The following CLIP1 variants were observed in gnomAD, a reference collection of about 807,000 sequenced individuals.
CLIP1 encodes the protein CAP-Gly domain-containing linker protein 1.
Under a neutral mutation model 161.6 loss-of-function variants are expected in CLIP1, and 66 were observed. The observed-to-expected ratio is 0.41, with a 90% CI of 0.33 to 0.50. The LOEUF (loss-of-function observed/expected upper bound fraction) is 0.50, where lower values mean the gene tolerates loss of function less well. Among genes scored for constraint, CLIP1 ranks in the 20% least tolerant of loss-of-function variants. The pLI is 0.27. For missense variants in CLIP1, 1,376 were observed against 1,702.0 expected (o/e 0.81, Z 3.37); for synonymous variants, 598 against 626.2 (o/e 0.96, Z 0.67).
intron 9 of CLIP1, among the ~76,000 whole-genome samples, chr12:122,350,008 G>C (rs1465013357): frequency 6.6e-6 from 1 of 151,568 alleles, no homozygotes; most frequent in Admixed American, 6.6e-5. Flanking sequence ...GGGTTCAAGC[G>C]ATTCTCCTGC....
intron 5 of CLIP1, among the ~76,000 whole-genome samples, chr12:122,360,410 CAAAAAA>C (rs34294939): frequency 1.1e-5 from 1 of 87,362 alleles, no homozygotes; most frequent in African/African-American, 4.5e-5. Flanking sequence ...CCTCTCTCTA[CAAAAAA>C]AAAAAAAAAA....
chr12:122,410,544 C>T (rs1449943295), intron 1 of CLIP1, among the ~76,000 whole-genome samples: 4 of 151,096 alleles, frequency 2.6e-5, no homozygotes, highest in Non-Finnish European at 5.9e-5. Context: ...CTGCAACCTC[C>T]ACCTCCTGGG....
At chr12:122,293,666 C>G (rs1261667137) in intron 20 of CLIP1, among the ~76,000 whole-genome samples, 2 of 151,632 alleles carry the variant, frequency 1.3e-5, no homozygotes, top group Non-Finnish European at 2.9e-5. Flanking sequence ...TTAGTAGAGA[C>G]AGGTTTTCTC....
intron 9 of CLIP1, among the ~76,000 whole-genome samples, chr12:122,350,062 A>G (rs1464949250): frequency 6.6e-6 from 1 of 151,428 alleles, no homozygotes; most frequent in Non-Finnish European, 1.5e-5. Flanking sequence ...GTGCCACCAT[A>G]TTCGGCTAAT....
At chr12:122,419,277 G>A (rs1956854114) in intron 1 of CLIP1, among the ~76,000 whole-genome samples, 1 of 151,670 alleles carries the variant, frequency 6.6e-6, no homozygotes, top group Non-Finnish European at 1.5e-5. Context: ...GGCTGAGGTG[G>A]GAGAATCACT....
At chr12:122,356,410 G>C (rs968926655) in intron 5 of CLIP1, among the ~76,000 whole-genome samples, 1 of 152,168 alleles carries the variant, frequency 6.6e-6, no homozygotes, top group Non-Finnish European at 1.5e-5. Flanking sequence ...ATAACATCAT[G>C]TACTTTCAAA....
chr12:122,286,181 C>T (rs539078011), intron 21 of CLIP1, among the ~76,000 whole-genome samples: 8 of 152,198 alleles, frequency 5.3e-5, no homozygotes, highest in South Asian at 2.1e-4. Flanking sequence ...TGCTTGGCAC[C>T]GTGTAAAGCA....
chr12:122,358,151 G>A (rs1253846558), intron 5 of CLIP1, among the ~76,000 whole-genome samples: 1 of 151,848 alleles, frequency 6.6e-6, no homozygotes, highest in Non-Finnish European at 1.5e-5. Flanking sequence ...CCAACCCTGT[G>A]CTCTCTGAAA....
intron 12 of CLIP1, among the ~76,000 whole-genome samples, chr12:122,335,541 T>C (rs907237315): frequency 2.3e-4 from 35 of 152,106 alleles, no homozygotes; most frequent in African/African-American, 8.4e-4. Flanking sequence ...GCGCAGTAGC[T>C]CACGCCTATA....
At chr12:122,335,762 G>A (rs1411835648) in intron 12 of CLIP1, among the ~76,000 whole-genome samples, 8 of 151,570 alleles carry the variant, frequency 5.3e-5, no homozygotes, top group South Asian at 2.1e-4. Context: ...AGCCGAGATC[G>A]CGCCACTGCA....
chr12:122,331,088 C>T (rs1951943302), intron 15 of CLIP1, among the ~76,000 whole-genome samples: 1 of 151,742 alleles, frequency 6.6e-6, no homozygotes, highest in African/African-American at 2.4e-5. Flanking sequence ...TATCTCAGCT[C>T]ACCGCAACCT....
intron 1 of CLIP1, chr12:122,400,559 C>T (rs1336246212): frequency 2.0e-5 from 3 of 152,206 alleles, no homozygotes; most frequent in Non-Finnish European, 4.4e-5. Context: ...GGAGACACAT[C>T]AGCAGTCTCT....
At chr12:122,302,667 G>A (rs184183119) in intron 20 of CLIP1, among the ~76,000 whole-genome samples, 317 of 150,988 alleles carry the variant, frequency 2.1e-3, no homozygotes, top group African/African-American at 7.1e-3. Context: ...GTGTGGTCTC[G>A]GCTCACTGCA....
chr12:122,418,047 A>T (rs1308368927), intron 1 of CLIP1, among the ~76,000 whole-genome samples: 1 of 151,796 alleles, frequency 6.6e-6, no homozygotes, highest in African/African-American at 2.4e-5. Flanking sequence ...AGTACTTTAT[A>T]CTTTCCCTTC....
At chr12:122,288,349 C>T (rs1185698269) in intron 21 of CLIP1, 140 bp downstream of exon 21, 1 of 695,082 alleles carries the variant, frequency 1.4e-6, no homozygotes, top group Non-Finnish European at 2.3e-6. Flanking sequence ...CATATTTTGT[C>T]AGTTACAAGT....
chr12:122,301,141 C>T (rs1434067915), intron 20 of CLIP1, among the ~76,000 whole-genome samples: 2 of 152,100 alleles, frequency 1.3e-5, no homozygotes, highest in South Asian at 2.1e-4. Context: ...GAAAAGAATG[C>T]ATGATCTTGG....
intron 3 of CLIP1, among the ~76,000 whole-genome samples, chr12:122,370,493 T>C (rs988890772): frequency 2.0e-5 from 3 of 152,202 alleles, no homozygotes; most frequent in Non-Finnish European, 4.4e-5. Flanking sequence ...ATATTTTCTC[T>C]AGGCTAAATA....
chr12:122,331,489 A>G (rs182954529), intron 15 of CLIP1, among the ~76,000 whole-genome samples: 6 of 151,362 alleles, frequency 4.0e-5, no homozygotes, highest in Admixed American at 6.6e-5. Flanking sequence ...TAATTTTTGT[A>G]TTTTTAGTAG....
At chr12:122,407,262 A>G (rs866682338) in intron 1 of CLIP1, among the ~76,000 whole-genome samples, 1 of 152,286 alleles carries the variant, frequency 6.6e-6, no homozygotes, top group African/African-American at 2.4e-5. Flanking sequence ...CTGATTCTAA[A>G]AAGTGAAATC....
Sources: allele counts gnomAD v4.1 joint callset (sites outside exome capture counted in the v4.1 genomes callset), GRCh38; gene constraint gnomAD v4.1.1; transcripts MANE v1.5; gene names NCBI Gene and HGNC (gene_info 2026-07-23, HGNC 2026-07-21).